Variants in PLEKHG1 observed in about 807,000 individuals in gnomAD.
PLEKHG1 encodes the protein pleckstrin homology domain-containing family G member 1.
A neutral mutation model predicts 100.8 loss-of-function variants in PLEKHG1; 44 were observed. That is an observed-to-expected ratio of 0.44 (90% CI 0.34 to 0.56). PLEKHG1 has a LOEUF of 0.56. Among genes scored for constraint, PLEKHG1 ranks in the 20% least tolerant of loss-of-function variants. The pLI is 0.01. For synonymous variants in PLEKHG1, 640 were observed against 662.5 expected (o/e 0.97, Z 0.52); for missense variants, 1,545 against 1,720.9 (o/e 0.90, Z 1.81).
chr6:150,840,048 G>A (rs760049569), exon 16 of PLEKHG1: 1 of 1,614,172 alleles, frequency 6.2e-7, no homozygotes, highest in South Asian at 1.1e-5. Context: ...ACCAGAGCAA[G>A]ACTTGAGGTC....
At chr6:150,749,666 A>G (rs1443866484) in intron 2 of PLEKHG1, among the ~76,000 whole-genome samples, 1 of 152,174 alleles carries the variant, frequency 6.6e-6, no homozygotes, top group Non-Finnish European at 1.5e-5. Flanking sequence ...CTGGCTCTGA[A>G]GTTTCAGGTC....
chr6:150,754,198 C>A (rs1331050935), intron 2 of PLEKHG1, among the ~76,000 whole-genome samples: 1 of 151,920 alleles, frequency 6.6e-6, no homozygotes, highest in Non-Finnish European at 1.5e-5. Flanking sequence ...GCAGGACAGC[C>A]AATACTGGCA....
chr6:150,799,849 T>C (rs189035538), intron 5 of PLEKHG1, among the ~76,000 whole-genome samples: 12 of 152,350 alleles, frequency 7.9e-5, no homozygotes, highest in South Asian at 6.2e-4. Context: ...GCTGAAATTA[T>C]TTCCACCTGC....
At position 150,781,376 on chromosome 6, in the gene PLEKHG1, ATGCCT is replaced by A. The variant is rs1179269627; in HGVS notation, c.513-5013_513-5009del. 2.0e-5 allele frequency among the ~76,000 whole-genome samples: 3 copies of A among 151,560 alleles called. No individual in the cohort carries two copies. The East Asian group carries it at 6.0e-4, about 31-fold the overall frequency. ...AAAAATTAGCCAGACGTGGTGGCAC[ATGCCT>A]GTAATCCCAGCTACTGGGGAGGCTG... On this transcript the variant is annotated intron_variant, in intron 3 of 15. Transcript: ENST00000358517.
chr6:150,644,434 A>G (rs1778408062), intron 2 of PLEKHG1, among the ~76,000 whole-genome samples: 1 of 148,326 alleles, frequency 6.7e-6, no homozygotes, highest in South Asian at 2.1e-4. Flanking sequence ...TCCTGGGTTC[A>G]AGTGATTTTC....
intron 1 of PLEKHG1, 56 bp from the exon 3 acceptor site, chr6:150,733,528 C>T (rs140516840): frequency 6.9e-7 from 1 of 1,439,068 alleles, no homozygotes; most frequent in Non-Finnish European, 9.3e-7. Context: ...TCCTTTCAAC[C>T]CTCTGCTTGA....
At chr6:150,679,667 T>C (rs1779869894) in intron 3 of PLEKHG1, among the ~76,000 whole-genome samples, 3 of 152,246 alleles carry the variant, frequency 2.0e-5, no homozygotes, top group Admixed American at 1.3e-4. Context: ...GTATGTACTC[T>C]GTGCCAGGTG....
chr6:150,651,358 G>A (rs1240934407), intron 3 of PLEKHG1, among the ~76,000 whole-genome samples: 3 of 151,824 alleles, frequency 2.0e-5, no homozygotes, highest in African/African-American at 4.8e-5. Context: ...CTCAGCCTCC[G>A]GAGTAGTTGG....
chr6:150,617,464 G>A (rs1288462508), intron 1 of PLEKHG1, among the ~76,000 whole-genome samples: 1 of 152,184 alleles, frequency 6.6e-6, no homozygotes, highest in Non-Finnish European at 1.5e-5. Flanking sequence ...GAGTGTGGCA[G>A]AATCCACTTG....
At chr6:150,825,431 A>C (rs997820016) in intron 14 of PLEKHG1, among the ~76,000 whole-genome samples, 7 of 152,036 alleles carry the variant, frequency 4.6e-5, no homozygotes, top group Non-Finnish European at 1.0e-4. Flanking sequence ...AAGTACAAAA[A>C]TGAGCTGGGT....
chr6:150,710,623 G>A (rs1002410730), intron 3 of PLEKHG1, among the ~76,000 whole-genome samples: 13 of 152,182 alleles, frequency 8.5e-5, no homozygotes, highest in South Asian at 8.3e-4. Flanking sequence ...ATAAAGGGGC[G>A]TTGTTGCAGT....
intron 1 of PLEKHG1, among the ~76,000 whole-genome samples, chr6:150,602,249 C>T (rs963468607): frequency 6.6e-6 from 1 of 152,178 alleles, no homozygotes. Context: ...CCTCTCCACT[C>T]CTTTCATTGC....
intron 2 of PLEKHG1, among the ~76,000 whole-genome samples, chr6:150,741,486 G>A (rs904378316): frequency 6.6e-6 from 1 of 152,164 alleles, no homozygotes; most frequent in African/African-American, 2.4e-5. Context: ...TTTCTAGATA[G>A]ACGCCTCAAT....
chr6:150,801,448 T>C (rs1423232759), intron 6 of PLEKHG1, among the ~76,000 whole-genome samples: 3 of 148,924 alleles, frequency 2.0e-5, no homozygotes, highest in Non-Finnish European at 3.0e-5. Context: ...TTTTTTTTTT[T>C]TTTTTTTGAG....
chr6:150,612,047 C>A (rs1437484258), intron 1 of PLEKHG1, among the ~76,000 whole-genome samples: 3 of 12,478 alleles, frequency 2.4e-4, no homozygotes, highest in African/African-American at 7.1e-4. Flanking sequence ...GGTGTTGTTC[C>A]CCCCCCCCCC....
In PLEKHG1 at chr6:150,835,126, G is replaced by A. The variant is rs146921963; in HGVS notation, c.3094+2921G>A. On this transcript the variant is annotated intron_variant, in intron 15 of 15. Transcript: ENST00000358517. ...AGCATCTTTATTGAACTCTCTAGCCGGGGTCTCCAGGCCCTGGGTCAGATT... is the reference window on the plus strand; with the variant it reads ...AGCATCTTTATTGAACTCTCTAGCCAGGGTCTCCAGGCCCTGGGTCAGATT... Among the ~76,000 whole-genome samples, 320 of 152,166 alleles carry A rather than the reference G, an allele frequency of 2.1e-3. 3 individuals carry two copies. Among genetic ancestry groups the A allele is most frequent in the South Asian group, 7.5e-3 (36 of 4,814 alleles).
intron 3 of PLEKHG1, among the ~76,000 whole-genome samples, chr6:150,703,609 A>C (rs911025774): frequency 6.7e-6 from 1 of 149,196 alleles, no homozygotes; most frequent in Non-Finnish European, 1.5e-5. Context: ...TTAAAAAAAA[A>C]AAAAACAAAA....
chr6:150,822,682 T>C (rs536590365), intron 13 of PLEKHG1, among the ~76,000 whole-genome samples: 2 of 152,352 alleles, frequency 1.3e-5, no homozygotes, highest in East Asian at 3.9e-4. Flanking sequence ...TGAATCCTTA[T>C]TTTAAAAGTG....
At chr6:150,832,018 A>G (rs752817734) in exon 15 of PLEKHG1, 2 of 1,614,050 alleles carry the variant, frequency 1.2e-6, no homozygotes, top group East Asian at 2.2e-5. Flanking sequence ...TGGAGGCCAC[A>G]GATAAGACAA....
Sources: gnomAD v4.1 joint callset for allele counts (sites outside exome capture counted in the v4.1 genomes callset) on GRCh38, gnomAD v4.1.1 for gene constraint, MANE v1.5 for transcripts, NCBI Gene and HGNC (gene_info 2026-07-23, HGNC 2026-07-21) for gene names.